KCNJ5: variants seen among roughly 807,000 people sequenced by gnomAD.
KCNJ5 encodes the protein G protein-activated inward rectifier potassium channel 4.
In KCNJ5, 12 loss-of-function variants were observed where a neutral mutation model predicts 20.2. The ratio of observed to expected loss-of-function variants is 0.59; its 90% CI spans 0.38 to 0.96. The LOEUF (loss-of-function observed/expected upper bound fraction) is 0.96. Among genes scored for constraint, KCNJ5 ranks in the 40% least tolerant of loss-of-function variants. The pLI is 0.00. For synonymous variants in KCNJ5, 210 were observed against 213.9 expected (o/e 0.98, Z 0.16); for missense variants, 449 against 557.6 (o/e 0.81, Z 1.96).
chr11:128,903,397 G>A (rs1319369490), intron 1 of KCNJ5: 1 of 1,614,070 alleles, frequency 6.2e-7, no homozygotes, highest in South Asian at 1.1e-5. Context: ...GGTGTAGACG[G>A]CAGAGCTCAG....
At position 128,917,809 on chromosome 11, in the gene KCNJ5, ATTT is replaced by A. The variant is rs1944609460; in HGVS notation, c.*1080_*1082del. 6.6e-6 allele frequency: 1 copy of A among 152,390 alleles called. No individual in the cohort carries two copies. The highest frequency in any genetic ancestry group is 2.1e-4 in the South Asian group (1 of 4,836). 9.4% of individuals were successfully genotyped at this position (152,390 alleles called of 1,614,324 possible). A position where few individuals can be genotyped will look rare whatever the true frequency, so the allele number is the denominator to read the frequency against. ...GATGGCTCACGCCTGTGATCCCAGC[ATTT>A]TGGGAGGCCGAGGCGGGTGGATCAT... On this transcript the variant is annotated 3_prime_UTR_variant, in exon 3 of 3. Transcript: ENST00000529694.
chr11:128,904,333 A>G, intron 1 of KCNJ5: 1 of 1,519,352 alleles, frequency 6.6e-7, no homozygotes, highest in Non-Finnish European at 8.9e-7. Flanking sequence ...CCTCTCTCTC[A>G]CTCTCTACTG....
intron 1 of KCNJ5, chr11:128,900,354 G>C (rs931330148): frequency 6.6e-6 from 1 of 152,022 alleles, no homozygotes; most frequent in Admixed American, 6.6e-5. Context: ...TCAGTATTTT[G>C]GTTTCTTTAA....
intron 2 of KCNJ5, among the ~76,000 whole-genome samples, chr11:128,915,791 TTGGA>T (rs199516705): frequency 0.2 from 29,393 of 147,776 alleles, 3,117 homozygotes; most frequent in East Asian, 0.34. Context: ...GTATGGATAA[TTGGA>T]TGGATGGATG....
At chr11:128,905,377 C>CGTCCCCTGCGGGGTGAGGGGT (rs1944386636) in intron 1 of KCNJ5, among the ~76,000 whole-genome samples, 1 of 152,222 alleles carries the variant, frequency 6.6e-6, no homozygotes, top group Non-Finnish European at 1.5e-5. Flanking sequence ...CTGGGGGCTT[C>CGTCCCCTGCGGGGTGAGGGGT]GTCCCCTGCG....
intron 1 of KCNJ5, chr11:128,905,952 G>A (rs914133644): frequency 2.0e-5 from 3 of 152,060 alleles, no homozygotes; most frequent in Admixed American, 6.6e-5. Context: ...CCTCTCTCCC[G>A]GGAGTGGGAG....
At chr11:128,898,698 T>C (rs562129369) in intron 1 of KCNJ5, among the ~76,000 whole-genome samples, 11 of 152,364 alleles carry the variant, frequency 7.2e-5, no homozygotes, top group African/African-American at 1.7e-4. Context: ...TTCTTTCTTT[T>C]TTTTAGACAG....
rs1180940710 is a variant in KCNJ5, at chr11:128,896,228, GC to G, written c.-11+4508del. ...GTCATTCTTTATTTTTCCACTAAAT[GC>G]TTTGATTTTGAGATCATTATAGATT... is the stretch of plus-strand genomic sequence containing the variant. On this transcript the variant is annotated intron_variant, in intron 1 of 2. Coordinates refer to ENST00000529694, the MANE Select transcript of KCNJ5 (RefSeq NM_000890.5). Among the ~76,000 whole-genome samples, 6 of 152,082 alleles carry G rather than the reference GC, an allele frequency of 3.9e-5. No homozygotes were observed. In the East Asian group the frequency reaches 1.2e-3, roughly 29 times the overall value.
Position 128,902,461 on chromosome 11 carries a change from G to A in KCNJ5, c.-10-8803G>A, listed in dbSNP as rs557690531. 67 of 1,502,236 alleles carry A rather than the reference G, an allele frequency of 4.5e-5. 1 individual carries two copies. In the South Asian group the frequency reaches 4.8e-4, roughly 11 times the overall value. 93.1% of individuals were successfully genotyped at this position (1,502,236 alleles called of 1,614,324 possible). Reference sequence around the variant, plus strand: ...TGCCAGTTAGGGAGGAGAAGGCAGCGAGGAACCCCGCACTTTAAGGAACAG... The same window carrying A: ...TGCCAGTTAGGGAGGAGAAGGCAGCAAGGAACCCCGCACTTTAAGGAACAG... On this transcript the variant is annotated intron_variant, in intron 1 of 2. Transcript: ENST00000529694.
At chr11:128,896,362 T>C (rs568415638) in intron 1 of KCNJ5, among the ~76,000 whole-genome samples, 3 of 152,320 alleles carry the variant, frequency 2.0e-5, no homozygotes, top group South Asian at 2.1e-4. Context: ...AACGAATACA[T>C]AGCCAATAAG....
chr11:128,894,834 A>T (rs1183749273), intron 1 of KCNJ5, among the ~76,000 whole-genome samples: 1 of 152,202 alleles, frequency 6.6e-6, no homozygotes, highest in Non-Finnish European at 1.5e-5. Flanking sequence ...GAGCTATTCT[A>T]GTCAACAGGG....
chr11:128,916,756 C>T lies in KCNJ5; in HGVS notation c.*25C>T. The T allele has an allele frequency of 6.5e-7, 1 of 1,528,088 alleles. No homozygotes were observed. The highest frequency in any genetic ancestry group is 8.9e-7 in the Non-Finnish European group (1 of 1,121,828). The allele number at this position is 1,528,088 out of a possible 1,614,324, so 94.7% of individuals were successfully genotyped here. On this transcript the variant is annotated 3_prime_UTR_variant, in exon 3 of 3. Transcript: ENST00000529694. Reference sequence around the variant, plus strand: ...AGGGGTGCAGCCTCCCTAAGACCTCCTGTCACTGGCTTCAGTGAACACAGA... The same window carrying T: ...AGGGGTGCAGCCTCCCTAAGACCTCTTGTCACTGGCTTCAGTGAACACAGA...
intron 1 of KCNJ5, among the ~76,000 whole-genome samples, chr11:128,892,738 A>G (rs895390971): frequency 1.3e-5 from 2 of 152,176 alleles, no homozygotes; most frequent in Non-Finnish European, 2.9e-5. Flanking sequence ...ATCAAAAGCC[A>G]TATGGTTTAT....
intron 2 of KCNJ5, among the ~76,000 whole-genome samples, chr11:128,914,089 A>G (rs1392802248): frequency 2.0e-5 from 3 of 152,210 alleles, no homozygotes; most frequent in African/African-American, 7.2e-5. Flanking sequence ...AGGACTCAGG[A>G]AGGTTTCCCC....
chr11:128,914,634 C>T (rs1944550792), intron 2 of KCNJ5, among the ~76,000 whole-genome samples: 1 of 152,170 alleles, frequency 6.6e-6, no homozygotes, highest in Non-Finnish European at 1.5e-5. Context: ...AAGCTGCTTA[C>T]CTTGTCAGCA....
intron 1 of KCNJ5, chr11:128,900,127 T>C (rs1267285251): frequency 6.6e-6 from 1 of 152,238 alleles, no homozygotes; most frequent in African/African-American, 2.4e-5. Flanking sequence ...TGAATATATT[T>C]AGACTCACTT....
At position 128,919,869 on chromosome 11, in the gene KCNJ5, A is replaced by C. The variant is rs1239638579; in HGVS notation, c.*3138A>C. On this transcript the variant is annotated 3_prime_UTR_variant, in exon 3 of 3. Transcript: ENST00000529694. ...CACTGCTCCTGCATACAAACCACTCAGAGGCCACTGCCCTTGGTTCTGTGA... is the reference window on the plus strand; with the variant it reads ...CACTGCTCCTGCATACAAACCACTCCGAGGCCACTGCCCTTGGTTCTGTGA... The C allele has an allele frequency of 6.6e-6, 1 of 152,262 alleles. No homozygotes were observed. Among genetic ancestry groups the C allele is most frequent in the Non-Finnish European group, 1.5e-5 (1 of 68,078 alleles). The allele number at this position is 152,262 out of a possible 1,614,324, so 9.4% of individuals were successfully genotyped here. A position where few individuals can be genotyped will look rare whatever the true frequency, so the allele number is the denominator to read the frequency against.
At position 128,920,408 on chromosome 11, in the gene KCNJ5, G is replaced by T. The variant is rs541373622; in HGVS notation, c.*3677G>T. 1 of 152,318 alleles carries T rather than the reference G, an allele frequency of 6.6e-6. No homozygotes were observed. Among genetic ancestry groups the T allele is most frequent in the East Asian group, 1.9e-4 (1 of 5,192 alleles). The allele number at this position is 152,318 out of a possible 1,614,324, so 9.4% of individuals were successfully genotyped here. A position where few individuals can be genotyped will look rare whatever the true frequency, so the allele number is the denominator to read the frequency against. On this transcript the variant is annotated 3_prime_UTR_variant, in exon 3 of 3. Coordinates refer to ENST00000529694, the MANE Select transcript of KCNJ5 (RefSeq NM_000890.5). ...TGCTCGTGATCTGTAACAGTGGGGC[G>T]CTTTTTCACACCCCTTATCTCACGG...
At chr11:128,909,353 G>A (rs941158743) in intron 1 of KCNJ5, among the ~76,000 whole-genome samples, 2 of 152,190 alleles carry the variant, frequency 1.3e-5, no homozygotes, top group Non-Finnish European at 2.9e-5. Context: ...ATTCCTGCAA[G>A]GGACTGCCCA....
Sources: allele counts gnomAD v4.1 joint callset (sites outside exome capture counted in the v4.1 genomes callset), GRCh38; gene constraint gnomAD v4.1.1; transcripts MANE v1.5; gene names NCBI Gene and HGNC (gene_info 2026-07-23, HGNC 2026-07-21).